Variants in HNRNPF observed in about 807,000 individuals in gnomAD.
The protein encoded by HNRNPF is HnRNP F protein.
HNRNPF carries 2 observed loss-of-function variants against 26.0 expected under a neutral mutation model. The observed-to-expected ratio is 0.08, with a 90% CI of 0.03 to 0.24. The LOEUF (loss-of-function observed/expected upper bound fraction) is 0.24. HNRNPF is among the 10% of genes least tolerant of loss of function. The pLI is 1.00. For missense variants in HNRNPF, 299 were observed against 539.2 expected (o/e 0.55, Z 4.41); for synonymous variants, 234 against 211.5 (o/e 1.11, Z -0.92).
At chr10:43,401,720 C>T (rs559113139) in intron 1 of HNRNPF, among the ~76,000 whole-genome samples, 2 of 152,266 alleles carry the variant, frequency 1.3e-5, no homozygotes, top group East Asian at 3.9e-4. Context: ...AGCAAGCAGC[C>T]CCTAAATAGG....
At chr10:43,388,292 G>A (rs142704898) in intron 3 of HNRNPF, among the ~76,000 whole-genome samples, 13 of 152,210 alleles carry the variant, frequency 8.5e-5, no homozygotes, top group African/African-American at 2.4e-4. Flanking sequence ...TAAACTATAC[G>A]CCTTACATTT....
At chr10:43,408,149 C>G (rs1277752642) in intron 1 of HNRNPF, among the ~76,000 whole-genome samples, 1 of 152,152 alleles carries the variant, frequency 6.6e-6, no homozygotes, top group Non-Finnish European at 1.5e-5. Context: ...TCGGGAACTC[C>G]TGGGCTCAAG....
intron 1 of HNRNPF, among the ~76,000 whole-genome samples, chr10:43,399,105 T>C (rs1270891299): frequency 6.6e-6 from 1 of 152,132 alleles, no homozygotes; most frequent in Non-Finnish European, 1.5e-5. Flanking sequence ...GGTGGGGAGA[T>C]GGAGAATAAC....
chr10:43,388,835 C>G (rs1487929482), intron 3 of HNRNPF, among the ~76,000 whole-genome samples: 1 of 152,180 alleles, frequency 6.6e-6, no homozygotes, highest in Non-Finnish European at 1.5e-5. Context: ...AGAGGAGCAG[C>G]TGACCTAGAC....
chr10:43,391,289 T>C lies in HNRNPF; in HGVS notation c.-53+3341A>G, dbSNP rs1257886764. On this transcript the variant is annotated intron_variant, in intron 3 of 3. Transcript: ENST00000682386. ...GCCTGGGCGACAGTGCAAGACTCTG[T>C]CTCAAAAAAAAAAAAAAAATTACCT... Among the ~76,000 whole-genome samples, 3 of 100,438 alleles carry C rather than the reference T, an allele frequency of 3.0e-5. 1 individual carries two copies. The highest frequency in any genetic ancestry group is 2.6e-4 in the Admixed American group (3 of 11,608). 65.9% of individuals were successfully genotyped at this position (100,438 alleles called of 152,430 possible).
At chr10:43,405,452 C>T (rs1435300820) in intron 1 of HNRNPF, among the ~76,000 whole-genome samples, 1 of 151,838 alleles carries the variant, frequency 6.6e-6, no homozygotes, top group African/African-American at 2.4e-5. Flanking sequence ...GTCAGGAGAT[C>T]GAGACCATCC....
chr10:43,393,241 C>G (rs1588991180), intron 3 of HNRNPF, among the ~76,000 whole-genome samples: 1 of 152,126 alleles, frequency 6.6e-6, no homozygotes, highest in Non-Finnish European at 1.5e-5. Context: ...GTTATTTCTC[C>G]TATTCTAATT....
chr10:43,408,323 C>T (rs1446272341), intron 1 of HNRNPF, among the ~76,000 whole-genome samples: 1 of 152,174 alleles, frequency 6.6e-6, no homozygotes, highest in Non-Finnish European at 1.5e-5. Flanking sequence ...GTGCTCACCG[C>T]GTGGGACCAC....
intron 1 of HNRNPF, among the ~76,000 whole-genome samples, chr10:43,405,354 C>T (rs1003244801): frequency 6.6e-6 from 1 of 152,146 alleles, no homozygotes; most frequent in African/African-American, 2.4e-5. Context: ...AACCAACCAG[C>T]TGTTTAAAAT....
Position 43,386,576 on chromosome 10 carries a change from C to T in HNRNPF, c.*61G>A, listed in dbSNP as rs371934952. The T allele has an allele frequency of 1.8e-5, 26 of 1,465,984 alleles. No homozygotes were observed. Among genetic ancestry groups the T allele is most frequent in the East Asian group, 1.6e-4 (7 of 43,692 alleles). 90.8% of individuals were successfully genotyped at this position (1,465,984 alleles called of 1,614,324 possible). Reference sequence around the variant, plus strand: ...CCCAGCTTCCTCTATTATAACTGCTCTTAATTGCTTGTTGGCTGCCTGTGA... The same window carrying T: ...CCCAGCTTCCTCTATTATAACTGCTTTTAATTGCTTGTTGGCTGCCTGTGA... On this transcript the variant is annotated 3_prime_UTR_variant, in exon 4 of 4. Transcript: ENST00000682386.
chr10:43,402,837 G>A (rs1463623783), intron 1 of HNRNPF, among the ~76,000 whole-genome samples: 6 of 151,850 alleles, frequency 4.0e-5, no homozygotes. Flanking sequence ...GAGGCATACC[G>A]TTAGGATAAA....
intron 1 of HNRNPF, among the ~76,000 whole-genome samples, chr10:43,406,527 T>C (rs1307388695): frequency 6.6e-6 from 1 of 151,884 alleles, no homozygotes; most frequent in African/African-American, 2.4e-5. Context: ...AGACCCCATC[T>C]CTACAAAAAA....
In HNRNPF at chr10:43,386,574, C is replaced by G. The variant is rs1423901796; in HGVS notation, c.*63G>C. 1.4e-6 allele frequency: 2 copies of G among 1,452,288 alleles called. No homozygotes were observed. The highest frequency in any genetic ancestry group is 2.8e-5 in the African/African-American group (2 of 70,660). The allele number at this position is 1,452,288 out of a possible 1,614,324, so 90.0% of individuals were successfully genotyped here. On this transcript the variant is annotated 3_prime_UTR_variant, in exon 4 of 4. Transcript: ENST00000682386. The stretch of plus-strand genomic sequence containing the variant: ...CCCCCAGCTTCCTCTATTATAACTG[C>G]TCTTAATTGCTTGTTGGCTGCCTGT...
In HNRNPF at chr10:43,387,701, C is replaced by T; in HGVS notation, c.184G>A (p.Gly62Arg). Residue 62 changes from glycine to arginine, a missense_variant, in exon 4 of 4, where the codon GGA becomes AGA. This residue lies in a region of HNRNPF where 104 missense variants were observed against 239.0 expected (regional missense o/e 0.44). Transcript: ENST00000682386. The surrounding 1 kb of genome is among the most constrained non-coding windows in gnomAD (Gnocchi z 6.0). Reference sequence around the variant, plus strand: ...GCCATTTTTACATCATCTTCTGATCCAAGTTCAACAAAAGCCTCACCACTC... The same window carrying T: ...GCCATTTTTACATCATCTTCTGATCTAAGTTCAACAAAAGCCTCACCACTC... Reference protein sequence around the residue: ...RQSGEAFVELGSEDDVKMALK... With the variant: ...RQSGEAFVELRSEDDVKMALK... The T allele has an allele frequency of 6.2e-7, 1 of 1,614,092 alleles. No homozygotes were observed. The highest frequency in any genetic ancestry group is 1.1e-5 in the South Asian group (1 of 91,078).
At position 43,387,875 on chromosome 10, in the gene HNRNPF, C is replaced by A. The variant is rs767376741; in HGVS notation, c.10G>T (p.Gly4Cys). The change falls in exon 4 of 4, where the codon GGC (glycine) becomes TGC (cysteine). Residue 4 changes from glycine to cysteine, a missense_variant. By Grantham distance (159) the Gly-to-Cys change is radical. This residue lies in a region of HNRNPF where 104 missense variants were observed against 239.0 expected (regional missense o/e 0.44). Coordinates refer to ENST00000682386, the MANE Select transcript of HNRNPF (RefSeq NM_001098204.2). This position sits in a 1 kb window ranked among gnomAD's most constrained non-coding sequence, Gnocchi z 6.0. MML[G>C]PEGGEGFVVK... The stretch of plus-strand genomic sequence containing the variant: ...ACAAAGCCTTCACCTCCCTCAGGGC[C>A]CAGCATCATGGACACTTGTCAGGGT... 5.2e-5 allele frequency: 84 copies of A among 1,606,574 alleles called. No individual in the cohort carries two copies. Among genetic ancestry groups the A allele is most frequent in the Non-Finnish European group, 7.1e-5 (83 of 1,173,786 alleles).
At chr10:43,398,124 TTAAGGCGATTCTCCTGCCTCAGC>T (rs1838625911) in intron 1 of HNRNPF, among the ~76,000 whole-genome samples, 1 of 152,076 alleles carries the variant, frequency 6.6e-6, no homozygotes, top group East Asian at 1.9e-4. Context: ...GCCTCCTGGG[TTAAGGCGATTCTCCTGCCTCAGC>T]CTCCCGAGTA....
intron 1 of HNRNPF, among the ~76,000 whole-genome samples, chr10:43,403,375 G>A (rs1375588356): frequency 2.0e-5 from 3 of 152,132 alleles, no homozygotes; most frequent in Admixed American, 6.6e-5. Flanking sequence ...CTTACAAAGC[G>A]TTGATGTTCT....
At chr10:43,396,024 G>T (rs895573591) in intron 2 of HNRNPF, among the ~76,000 whole-genome samples, 1 of 151,502 alleles carries the variant, frequency 6.6e-6, no homozygotes, top group Non-Finnish European at 1.5e-5. Context: ...GCTTGCACGG[G>T]GGCCACCTAG....
chr10:43,397,080 C>T (rs1356612386), intron 1 of HNRNPF: 1 of 149,582 alleles, frequency 6.7e-6, no homozygotes, highest in African/African-American at 2.5e-5. Flanking sequence ...AAGAGGCGCT[C>T]GTAGGTCTGC....
Sources: allele counts gnomAD v4.1 joint callset (sites outside exome capture counted in the v4.1 genomes callset), GRCh38; gene constraint gnomAD v4.1.1; regional missense constraint gnomAD v4.1.1; non-coding constraint Gnocchi (gnomAD v3.1); transcripts MANE v1.5; gene names NCBI Gene and HGNC (gene_info 2026-07-23, HGNC 2026-07-21).